Variants in DNM2 observed in about 807,000 individuals in gnomAD.
DNM2 encodes the protein dynamin 2, also known as dynamin-2.
Under a neutral mutation model 99.0 loss-of-function variants are expected in DNM2, and 15 were observed. That is an observed-to-expected ratio of 0.15 (90% CI 0.10 to 0.23). The LOEUF (loss-of-function observed/expected upper bound fraction) is 0.23, where lower values mean the gene tolerates loss of function less well. DNM2 is among the 10% of genes least tolerant of loss of function. The probability of loss-of-function intolerance (pLI) is 1.00; values close to 1 mark genes in which losing one functional copy is unlikely to be tolerated. For missense variants in DNM2, 742 were observed against 1,189.4 expected, an observed-to-expected ratio of 0.62 and a Z score of 5.53; for synonymous variants, 525 against 481.2, an observed-to-expected ratio of 1.09 and a Z score of -1.19.
chr19:10,822,981 T>C (rs1052789346), intron 16 of DNM2, among the ~76,000 whole-genome samples: 2 of 152,034 alleles, frequency 1.3e-5, no homozygotes, highest in Non-Finnish European at 2.9e-5. Flanking sequence ...GGCAGGTGCC[T>C]GTAGTCCCAG....
Position 10,775,374 on chromosome 19 carries a change from A to T in DNM2, c.386-329A>T, listed in dbSNP as rs1337048898. Among the ~76,000 whole-genome samples, 2 of 152,088 alleles carry T rather than the reference A, an allele frequency of 1.3e-5. No individual in the cohort carries two copies. ...TGGGATTGCAGATGTGAGCCACCGC[A>T]CCCAGCCTCATCTGTTTGTCTGTAA... On this transcript the variant is annotated intron_variant, in intron 3 of 20. Coordinates refer to ENST00000389253, the MANE Select transcript of DNM2 (RefSeq NM_001005361.3). The surrounding 1 kb of genome is among the most constrained non-coding windows in gnomAD (Gnocchi z 4.3).
At position 10,784,815 on chromosome 19, in the gene DNM2, GAT is replaced by G. The variant is rs1337318678; in HGVS notation, c.849+1696_849+1697del. 2.4e-4 allele frequency among the ~76,000 whole-genome samples: 23 copies of G among 95,188 alleles called. No homozygotes were observed. The East Asian group carries it at 7.8e-3, about 32-fold the overall frequency. 62.4% of individuals were successfully genotyped at this position (95,188 alleles called of 152,430 possible). ...CTTTGTATTTATTTTTTATTTTTTT[GAT>G]GATTTTTTTTTTTTTTTTTTTTTTG... On this transcript the variant is annotated intron_variant, in intron 6 of 20. Transcript: ENST00000389253.
chr19:10,761,440 T>C (rs981443258), intron 2 of DNM2, among the ~76,000 whole-genome samples: 1 of 152,062 alleles, frequency 6.6e-6, no homozygotes, highest in African/African-American at 2.4e-5. Context: ...TGGGCGTATA[T>C]CCCAGCTGGA....
chr19:10,784,371 G>A lies in DNM2; in HGVS notation c.849+1251G>A, dbSNP rs528639776. ...CAGGAGAGCAAAGAGGGAAGTCAGT[G>A]TCTAGAGGGAGGGGCCCTCCAGGAG... On this transcript the variant is annotated intron_variant, in intron 6 of 20. Coordinates refer to ENST00000389253, the MANE Select transcript of DNM2 (RefSeq NM_001005361.3). Among the ~76,000 whole-genome samples the A allele has an allele frequency of 6.6e-5, 10 of 152,316 alleles. No homozygotes were observed. The South Asian group carries it at 2.1e-3, about 32-fold the overall frequency.
At position 10,723,011 on chromosome 19, in the gene DNM2, G is replaced by C. The variant is rs536172973; in HGVS notation, c.161+4608G>C. Among the ~76,000 whole-genome samples the C allele has an allele frequency of 9.1e-4, 138 of 151,420 alleles. 1 individual carries two copies. Among genetic ancestry groups the C allele is most frequent in the Middle Eastern group, 6.9e-3 (2 of 290 alleles). On this transcript the variant is annotated intron_variant, in intron 1 of 20. Transcript: ENST00000389253. ...AGACGGAGTCTGGCTCTGTTGCCCAGGCTGGAGTGCAGTGGTGCGATCTCG... is the reference window on the plus strand; with the variant it reads ...AGACGGAGTCTGGCTCTGTTGCCCACGCTGGAGTGCAGTGGTGCGATCTCG...
intron 10 of DNM2, among the ~76,000 whole-genome samples, 160 bp downstream of exon 10, chr19:10,797,678 G>A (rs1482787397): frequency 1.3e-5 from 2 of 152,146 alleles, no homozygotes; most frequent in African/African-American, 2.4e-5. Context: ...CAGATGGAAT[G>A]GGGGGAGTGG....
At chr19:10,786,771 C>G in intron 7 of DNM2, 65 bp downstream of exon 7, 1 of 1,607,174 alleles carries the variant, frequency 6.2e-7, no homozygotes. Context: ...CCACAGGGCC[C>G]CCTAGGCTGG....
At chr19:10,768,437 G>A (rs1231079097) in intron 2 of DNM2, 1 of 152,330 alleles carries the variant, frequency 6.6e-6, no homozygotes, top group Non-Finnish European at 1.5e-5. Flanking sequence ...CTGGGTGACA[G>A]AGCGAGACTT....
Position 10,783,071 on chromosome 19 carries a change from A to G in DNM2, c.800A>G (p.His267Arg), listed in dbSNP as rs1412618988. ...KFFLSHPAYR[H>R]MADRMGTPHL... is the part of the protein sequence containing the mutation. ...TTCCTCTCCCACCCGGCCTACCGGCACATGGCCGACCGCATGGGCACGCCA... is the reference window on the plus strand; with the variant it reads ...TTCCTCTCCCACCCGGCCTACCGGCGCATGGCCGACCGCATGGGCACGCCA... Residue 267 changes from histidine (H) to arginine (R), a missense_variant, in exon 6 of 21, where the codon CAC (histidine) becomes CGC (arginine). By Grantham distance (29) the His-to-Arg change is conservative. Coordinates refer to ENST00000389253, the MANE Select transcript of DNM2 (RefSeq NM_001005361.3). The G allele has an allele frequency of 6.2e-7, 1 of 1,613,766 alleles. No homozygotes were observed. Among genetic ancestry groups the G allele is most frequent in the Middle Eastern group, 1.6e-4 (1 of 6,084 alleles).
intron 1 of DNM2, among the ~76,000 whole-genome samples, chr19:10,742,345 C>G (rs925196011): frequency 6.6e-6 from 1 of 152,156 alleles, no homozygotes; most frequent in Non-Finnish European, 1.5e-5. Context: ...GTTGTGGTGC[C>G]AGGCATTGAC....
At chr19:10,773,833 G>A (rs1321000268) in intron 3 of DNM2, among the ~76,000 whole-genome samples, 3 of 151,698 alleles carry the variant, frequency 2.0e-5, no homozygotes, top group African/African-American at 4.8e-5. Context: ...GGCTGGTCTC[G>A]AACTCCTAAC....
At chr19:10,822,466 C>A (rs1042802021) in intron 16 of DNM2, among the ~76,000 whole-genome samples, 1 of 152,056 alleles carries the variant, frequency 6.6e-6, no homozygotes, top group Admixed American at 6.5e-5. Flanking sequence ...GCAGGAATTA[C>A]AGGTATGAGC....
chr19:10,732,058 G>T (rs1292439948), intron 1 of DNM2, among the ~76,000 whole-genome samples: 1 of 150,952 alleles, frequency 6.6e-6, no homozygotes, highest in Non-Finnish European at 1.5e-5. Flanking sequence ...AGGTTCAAGC[G>T]ATTCTTCTGC....
intron 6 of DNM2, among the ~76,000 whole-genome samples, chr19:10,786,010 G>A (rs527779484): frequency 6.6e-6 from 1 of 152,116 alleles, no homozygotes; most frequent in East Asian, 1.9e-4. Context: ...GTGTTGGCCA[G>A]GCTGGTCTCG....
Position 10,796,026 on chromosome 19 carries a change from T to C in DNM2, c.1196+587T>C. The stretch of plus-strand genomic sequence containing the variant: ...TGACCATGCTTTGTTTCTCTCTGAC[T>C]TATCTCCCCTGCCCCCGGGTCTGGA... On this transcript the variant is annotated intron_variant, in intron 9 of 20. Transcript: ENST00000389253. The surrounding 1 kb of genome is among the most constrained non-coding windows in gnomAD (Gnocchi z 5.6). 1.2e-6 allele frequency: 2 copies of C among 1,612,468 alleles called. No homozygotes were observed. Among genetic ancestry groups the C allele is most frequent in the Non-Finnish European group, 1.7e-6 (2 of 1,180,020 alleles).
intron 1 of DNM2, among the ~76,000 whole-genome samples, chr19:10,728,883 G>A (rs558644669): frequency 6.6e-6 from 1 of 151,568 alleles, no homozygotes; most frequent in African/African-American, 2.4e-5. Flanking sequence ...GGAATTCGAG[G>A]TTGCATTGAG....
intron 7 of DNM2, among the ~76,000 whole-genome samples, chr19:10,787,315 CA>C (rs1175860781): frequency 1.3e-5 from 2 of 151,724 alleles, no homozygotes; most frequent in African/African-American, 2.4e-5. Flanking sequence ...AAAAAAAATA[CA>C]AAAAACTAGC....
intron 1 of DNM2, among the ~76,000 whole-genome samples, chr19:10,752,379 G>A (rs1409336494): frequency 2.6e-5 from 4 of 152,212 alleles, no homozygotes; most frequent in Admixed American, 6.5e-5. Context: ...TCTCTTGGGC[G>A]TCACTCCCGC....
intron 18 of DNM2, 45 bp from the exon 19 acceptor site, chr19:10,828,991 T>C (rs770512579): frequency 1.9e-6 from 3 of 1,577,706 alleles, no homozygotes; most frequent in Non-Finnish European, 1.7e-6. Context: ...GGGTTCTGGG[T>C]TGGGGTGATA....
Sources: gnomAD v4.1 joint callset for allele counts (sites outside exome capture counted in the v4.1 genomes callset) on GRCh38, gnomAD v4.1.1 for gene constraint, Gnocchi (gnomAD v3.1) non-coding constraint, MANE v1.5 for transcripts, NCBI Gene and HGNC (gene_info 2026-07-23, HGNC 2026-07-21) for gene names.